The following CUX1 variants were observed in gnomAD, a reference collection of about 807,000 sequenced individuals.
CUX1 encodes the protein cut like homeobox 1, also known as protein CASP.
CUX1 carries 31 observed loss-of-function variants against 158.8 expected under a neutral mutation model. That is an observed-to-expected ratio of 0.20 (90% CI 0.15 to 0.26). The LOEUF (loss-of-function observed/expected upper bound fraction) is 0.26, where lower values mean the gene tolerates loss of function less well. CUX1 is among the 10% of genes least tolerant of loss of function. The pLI is 1.00. For synonymous variants in CUX1, 879 were observed against 862.1 expected, an observed-to-expected ratio of 1.02 and a Z score of -0.34; for missense variants, 1,589 against 2,014.6, an observed-to-expected ratio of 0.79 and a Z score of 4.04.
chr7:101,843,570 A>G (rs1403424032), intron 1 of CUX1, among the ~76,000 whole-genome samples: 1 of 150,032 alleles, frequency 6.7e-6, no homozygotes. Flanking sequence ...TTTCCTATCC[A>G]TTTCTTTTTT....
At chr7:102,215,661 C>G (rs1034631579) in intron 20 of CUX1, among the ~76,000 whole-genome samples, 1 of 152,186 alleles carries the variant, frequency 6.6e-6, no homozygotes, top group Admixed American at 6.5e-5. Flanking sequence ...CTAATACCAT[C>G]GTGGAAGACG....
intron 23 of CUX1, among the ~76,000 whole-genome samples, chr7:102,241,558 C>G (rs188345026): frequency 5.2e-4 from 79 of 152,312 alleles, no homozygotes; most frequent in African/African-American, 1.9e-3. Flanking sequence ...CTCCCTCCCC[C>G]ATAAGGTCCA....
chr7:102,066,822 CA>C (rs1174193311), intron 3 of CUX1, among the ~76,000 whole-genome samples: 1 of 152,172 alleles, frequency 6.6e-6, no homozygotes, highest in East Asian at 1.9e-4. Flanking sequence ...GGCTTAGGTA[CA>C]GTTGAAACAG....
chr7:102,017,352 AG>A (rs1818742926), intron 2 of CUX1, among the ~76,000 whole-genome samples: 1 of 150,966 alleles, frequency 6.6e-6, no homozygotes, highest in Non-Finnish European at 1.5e-5. Flanking sequence ...TCATTCATTC[AG>A]TCCACAAGTA....
chr7:102,030,689 G>GTGTTTTTTTTTTTTTTGTTTTGTTTTT lies in CUX1; in HGVS notation c.189+2558_189+2559insTTGTTTTGTTTTTTGTTTTTTTTTTTT, dbSNP rs1554459461. ...TCTATCTAATTTTCTATTTTAAAAA[G>GTGTTTTTTTTTTTTTTGTTTTGTTTTT]TGTTTTTTTTTTTTGAGACAGGGTC... On this transcript the variant is annotated intron_variant, in intron 3 of 23. Coordinates refer to ENST00000292535, the MANE Select transcript of CUX1 (RefSeq NM_181552.4). Among the ~76,000 whole-genome samples the GTGTTTTTTTTTTTTTTGTTTTGTTTTT allele has an allele frequency of 6.9e-4, 57 of 82,550 alleles. 3 individuals carry two copies. Among genetic ancestry groups the GTGTTTTTTTTTTTTTTGTTTTGTTTTT allele is most frequent in the South Asian group, 9.6e-4 (2 of 2,082 alleles). 54.2% of individuals were successfully genotyped at this position (82,550 alleles called of 152,430 possible).
intron 3 of CUX1, among the ~76,000 whole-genome samples, chr7:102,059,656 A>T (rs1824559580): frequency 6.7e-6 from 1 of 150,114 alleles, no homozygotes; most frequent in Non-Finnish European, 1.5e-5. Flanking sequence ...AAAAAAATTT[A>T]AAACCCTCAA....
At chr7:102,182,707 G>A (rs573165718) in intron 11 of CUX1, among the ~76,000 whole-genome samples, 47 of 152,316 alleles carry the variant, frequency 3.1e-4, no homozygotes, top group African/African-American at 1.1e-3. Flanking sequence ...TAGCCCGACC[G>A]CCGTGACAAG....
intron 1 of CUX1, among the ~76,000 whole-genome samples, chr7:101,880,315 C>T (rs1378189998): frequency 1.3e-5 from 2 of 152,146 alleles, no homozygotes; most frequent in Non-Finnish European, 2.9e-5. Context: ...TCTTGAGACT[C>T]GGTGCCTTTG....
At chr7:101,832,571 T>G (rs1794167513) in intron 1 of CUX1, among the ~76,000 whole-genome samples, 1 of 151,942 alleles carries the variant, frequency 6.6e-6, no homozygotes, top group Non-Finnish European at 1.5e-5. Context: ...ACGCGGGGAG[T>G]TGGCTTGGAG....
Position 101,980,434 on chromosome 7 carries a change from G to A in CUX1, c.142-47664G>A, listed in dbSNP as rs892341712. Among the ~76,000 whole-genome samples the A allele has an allele frequency of 1.1e-4, 16 of 152,306 alleles. 1 individual carries two copies. The South Asian group carries it at 2.9e-3, about 28-fold the overall frequency. ...CTGAGGTGGGAGGATTGCTCCACCC[G>A]AGAGGTCGAGGCTGCAGTCAGCTGT... On this transcript the variant is annotated intron_variant, in intron 2 of 23. Transcript: ENST00000292535.
chr7:101,917,694 C>T (rs996207744), intron 2 of CUX1, among the ~76,000 whole-genome samples: 34 of 152,184 alleles, frequency 2.2e-4, no homozygotes, highest in Admixed American at 1.2e-3. Flanking sequence ...AGCGCTTGTC[C>T]TTGACTCAGT....
chr7:102,223,570 A>T (rs1342200291), intron 20 of CUX1, among the ~76,000 whole-genome samples: 1 of 152,198 alleles, frequency 6.6e-6, no homozygotes, highest in Non-Finnish European at 1.5e-5. Flanking sequence ...AAGAAACATT[A>T]CTTCTCCTTT....
intron 2 of CUX1, among the ~76,000 whole-genome samples, chr7:101,931,297 T>C (rs756070168): frequency 1.3e-5 from 2 of 152,108 alleles, no homozygotes; most frequent in African/African-American, 2.4e-5. Flanking sequence ...GGCAGTCCCA[T>C]TGTGTGTGGA....
At chr7:102,013,250 C>T (rs960033178) in intron 2 of CUX1, among the ~76,000 whole-genome samples, 2 of 151,888 alleles carry the variant, frequency 1.3e-5, no homozygotes, top group African/African-American at 4.8e-5. Context: ...GTACAAAAAT[C>T]GCCGAAGCTA....
chr7:102,005,150 C>T (rs1310133240), intron 2 of CUX1, among the ~76,000 whole-genome samples: 5 of 152,056 alleles, frequency 3.3e-5, no homozygotes, highest in Non-Finnish European at 7.4e-5. Flanking sequence ...ACCTGGGAGT[C>T]GGGGGTTTTG....
downstream of CUX1, among the ~76,000 whole-genome samples, chr7:102,258,393 G>C (rs369089731): frequency 3.2e-4 from 49 of 152,300 alleles, 1 homozygote; most frequent in East Asian, 7.3e-3. Flanking sequence ...CGGGCACACA[G>C]AAAACCGTGT....
intron 1 of CUX1, among the ~76,000 whole-genome samples, chr7:101,843,355 A>G (rs1447248604): frequency 1.3e-5 from 2 of 152,110 alleles, no homozygotes; most frequent in Non-Finnish European, 2.9e-5. Context: ...CATTTCTGGT[A>G]GTTGTGTTAT....
intron 2 of CUX1, among the ~76,000 whole-genome samples, chr7:101,979,763 C>A (rs1813182867): frequency 6.6e-6 from 1 of 152,172 alleles, no homozygotes; most frequent in Non-Finnish European, 1.5e-5. Context: ...AATTCTCATG[C>A]CTCAGCCTCC....
At chr7:102,087,822 T>A (rs185850372) in intron 4 of CUX1, among the ~76,000 whole-genome samples, 2 of 152,158 alleles carry the variant, frequency 1.3e-5, no homozygotes, top group Admixed American at 6.5e-5. Context: ...ATTTTATTTT[T>A]ACTCATCTAT....
Sources: gnomAD v4.1 joint callset for allele counts (sites outside exome capture counted in the v4.1 genomes callset) on GRCh38, gnomAD v4.1.1 for gene constraint, MANE v1.5 for transcripts, NCBI Gene and HGNC (gene_info 2026-07-23, HGNC 2026-07-21) for gene names.